The following ATP10A variants were observed in gnomAD, a reference collection of about 807,000 sequenced individuals.
ATP10A encodes phospholipid-transporting ATPase VA.
A neutral mutation model predicts 147.8 loss-of-function variants in ATP10A; 111 were observed. The ratio of observed to expected loss-of-function variants is 0.75; its 90% CI spans 0.64 to 0.88. ATP10A has a LOEUF of 0.88. ATP10A is among the 40% of genes least tolerant of loss of function. The pLI is 0.00. For synonymous variants in ATP10A, 875 were observed against 841.6 expected (o/e 1.04, Z -0.69); for missense variants, 1,927 against 1,959.0 (o/e 0.98, Z 0.31).
chr15:25,785,323 C>T (rs889529182), intron 1 of ATP10A, among the ~76,000 whole-genome samples: 5 of 152,098 alleles, frequency 3.3e-5, no homozygotes, highest in Non-Finnish European at 7.3e-5. Flanking sequence ...GCAGCAGAGG[C>T]GTGCGCACAC....
At chr15:25,719,102 A>G (rs548295702) in intron 7 of ATP10A, among the ~76,000 whole-genome samples, 2 of 152,200 alleles carry the variant, frequency 1.3e-5, no homozygotes, top group East Asian at 3.9e-4. Flanking sequence ...CCCAGGGAGG[A>G]CAGCTTGTTT....
At chr15:25,729,688 T>C (rs1191274347) in intron 3 of ATP10A, among the ~76,000 whole-genome samples, 2 of 152,320 alleles carry the variant, frequency 1.3e-5, no homozygotes, top group Non-Finnish European at 1.5e-5. Context: ...CAGCATGTTC[T>C]GTCCACTCTG....
At chr15:25,730,645 C>T (rs919432598) in intron 3 of ATP10A, among the ~76,000 whole-genome samples, 3 of 152,148 alleles carry the variant, frequency 2.0e-5, no homozygotes, top group African/African-American at 4.8e-5. Flanking sequence ...GGTGTTCAGT[C>T]GGCTTCCTAA....
intron 1 of ATP10A, among the ~76,000 whole-genome samples, chr15:25,806,708 T>C (rs1033805477): frequency 2.0e-5 from 3 of 152,208 alleles, no homozygotes; most frequent in Admixed American, 2.0e-4. Context: ...GTTAATCGAC[T>C]GTTTATGTGA....
chr15:25,841,270 A>C (rs969318744), intron 1 of ATP10A, among the ~76,000 whole-genome samples: 1 of 97,370 alleles, frequency 1.0e-5, no homozygotes, highest in Non-Finnish European at 2.3e-5. Flanking sequence ...GAGGTATGTG[A>C]GGTTTAGGGT....
intron 2 of ATP10A, among the ~76,000 whole-genome samples, chr15:25,779,845 AACACACACACACACAC>A (rs56111172): frequency 2.7e-5 from 4 of 147,378 alleles, no homozygotes; most frequent in African/African-American, 1.0e-4. Flanking sequence ...AGAAGGTTAA[AACACACACACACACAC>A]ACACACACAC....
intron 2 of ATP10A, among the ~76,000 whole-genome samples, chr15:25,765,743 T>C (rs988067355): frequency 6.6e-6 from 1 of 152,188 alleles, no homozygotes; most frequent in African/African-American, 2.4e-5. Flanking sequence ...GTATTCATGA[T>C]CAAGTTCTTC....
intron 2 of ATP10A, among the ~76,000 whole-genome samples, chr15:25,747,826 C>A (rs982227688): frequency 2.0e-5 from 3 of 152,196 alleles, no homozygotes; most frequent in South Asian, 2.1e-4. Flanking sequence ...ATAACATTCA[C>A]TTACATAAAC....
rs11428171 is a variant in ATP10A at position 25,705,467 on chromosome 15, C to CAA, written c.2575+2507_2575+2508dup. 5.5e-5 allele frequency among the ~76,000 whole-genome samples: 7 copies of CAA among 127,944 alleles called. 1 individual carries two copies. In the East Asian group the frequency reaches 6.6e-4, roughly 12 times the overall value. The allele number at this position is 127,944 out of a possible 152,430, so 83.9% of individuals were successfully genotyped here. On this transcript the variant is annotated intron_variant, in intron 12 of 20. Transcript: ENST00000555815. ...AAAAAAAAAAAACAAAAAAAAAAAA[C>CAA]AAAAAAAATCACCTTCATGAAAAGA... is the stretch of plus-strand genomic sequence containing the variant.
In ATP10A at chr15:25,707,871, C is replaced by A. The variant is rs553995074; in HGVS notation, c.2575+105G>T. ...GCGTCCTGCCAGGTGGCTCCCTAACCAAGGCCAGCCTGCGGAGCAGCCGCT... is the reference window on the plus strand; with the variant it reads ...GCGTCCTGCCAGGTGGCTCCCTAACAAAGGCCAGCCTGCGGAGCAGCCGCT... On this transcript the variant is annotated intron_variant, in intron 12 of 20. Coordinates refer to ENST00000555815, the MANE Select transcript of ATP10A (RefSeq NM_024490.4). The A allele has an allele frequency of 4.3e-5, 64 of 1,490,466 alleles. No individual in the cohort carries two copies. In the African/African-American group the frequency reaches 5.5e-4, roughly 13 times the overall value. The allele number at this position is 1,490,466 out of a possible 1,614,324, so 92.3% of individuals were successfully genotyped here.
At chr15:25,772,355 C>T (rs1168744605) in intron 2 of ATP10A, among the ~76,000 whole-genome samples, 1 of 152,072 alleles carries the variant, frequency 6.6e-6, no homozygotes, top group Non-Finnish European at 1.5e-5. Flanking sequence ...AGCTTCAGAA[C>T]CCGACTTTGC....
intron 1 of ATP10A, among the ~76,000 whole-genome samples, chr15:25,834,727 T>C (rs981555977): frequency 1.3e-5 from 2 of 152,170 alleles, no homozygotes; most frequent in Non-Finnish European, 2.9e-5. Context: ...TGTCCATCAA[T>C]GACAAATGGA....
chr15:25,862,503 G>A, intron 1 of ATP10A, 145 bp downstream of exon 1: 1 of 1,043,530 alleles, frequency 9.6e-7, no homozygotes, highest in Non-Finnish European at 1.4e-6. Flanking sequence ...GGTCGGCACC[G>A]GGTCCCGCGC....
At chr15:25,774,303 G>A (rs1441398853) in intron 2 of ATP10A, among the ~76,000 whole-genome samples, 3 of 152,084 alleles carry the variant, frequency 2.0e-5, no homozygotes, top group African/African-American at 4.8e-5. Flanking sequence ...GTTCGGGTGC[G>A]GTAGCTCACA....
At chr15:25,674,410 A>C (rs943225222), downstream of ATP10A, among the ~76,000 whole-genome samples, 2 of 90,570 alleles carry the variant, frequency 2.2e-5, no homozygotes, top group Non-Finnish European at 4.4e-5. Context: ...TTCCCAGCGT[A>C]GGGACTGCTG....
intron 1 of ATP10A, among the ~76,000 whole-genome samples, chr15:25,805,853 G>T (rs866521649): frequency 6.6e-6 from 1 of 152,136 alleles, no homozygotes; most frequent in Non-Finnish European, 1.5e-5. Flanking sequence ...AAAGGAAAAT[G>T]TATTTTGAAA....
chr15:25,767,725 G>A (rs981711968), intron 2 of ATP10A, among the ~76,000 whole-genome samples: 2 of 152,240 alleles, frequency 1.3e-5, no homozygotes, highest in African/African-American at 4.8e-5. Flanking sequence ...GAGACACTAA[G>A]AGGCTAAAAA....
intron 2 of ATP10A, among the ~76,000 whole-genome samples, chr15:25,751,307 T>A (rs1459967434): frequency 6.6e-6 from 1 of 152,112 alleles, no homozygotes; most frequent in Non-Finnish European, 1.5e-5. Flanking sequence ...AATACACATA[T>A]CTGCATTATG....
At chr15:25,841,311 C>T (rs1207440439) in intron 1 of ATP10A, among the ~76,000 whole-genome samples, 1 of 148,816 alleles carries the variant, frequency 6.7e-6, no homozygotes, top group East Asian at 2.0e-4. Flanking sequence ...TGTCTAATTG[C>T]TCCCACACCG....
Sources: gnomAD v4.1 joint callset for allele counts (sites outside exome capture counted in the v4.1 genomes callset) on GRCh38, gnomAD v4.1.1 for gene constraint, MANE v1.5 for transcripts, NCBI Gene and HGNC (gene_info 2026-07-23, HGNC 2026-07-21) for gene names.